Variants in ABCB6 observed in about 807,000 individuals in gnomAD.
ABCB6 encodes ATP-binding cassette sub-family B member 6.
A neutral mutation model predicts 99.4 loss-of-function variants in ABCB6; 87 were observed. The ratio of observed to expected loss-of-function variants is 0.88; its 90% CI spans 0.74 to 1.05. The LOEUF is 1.05. Ranked by LOEUF, ABCB6 falls within the 50% of genes least tolerant of loss-of-function variation. The pLI is 0.00. For missense variants in ABCB6, 1,050 were observed against 1,097.9 expected (o/e 0.96, Z 0.62); for synonymous variants, 482 against 447.5 (o/e 1.08, Z -0.97).
chr2:219,215,899 C>T, intron 5 of ABCB6, 98 bp downstream of exon 5: 2 of 1,304,532 alleles, frequency 1.5e-6, no homozygotes, highest in Non-Finnish European at 2.0e-6. Context: ...GTGGGAGCGG[C>T]AGCTTCTCAG....
chr2:219,216,269 G>A lies in ABCB6; in HGVS notation c.971-89C>T. 6.3e-7 allele frequency: 1 copy of A among 1,580,922 alleles called. No homozygotes were observed. Among genetic ancestry groups the A allele is most frequent in the Non-Finnish European group, 8.6e-7 (1 of 1,157,548 alleles). Reference sequence around the variant, plus strand: ...GGATGTGAAAGGTCTGAGAGTACATGGGGGCTGGGGAGGAATGCTGGGAGA... The same window carrying A: ...GGATGTGAAAGGTCTGAGAGTACATAGGGGCTGGGGAGGAATGCTGGGAGA... On this transcript the variant is annotated intron_variant, in intron 4 of 18. Coordinates refer to ENST00000265316, the MANE Select transcript of ABCB6 (RefSeq NM_005689.4). The surrounding 1 kb of genome is among the most constrained non-coding windows in gnomAD (Gnocchi z 4.2).
Position 219,211,019 on chromosome 2 carries a change from G to GT in ABCB6, c.2057dup (p.Tyr686Ter). 6.2e-7 allele frequency: 1 copy of GT among 1,614,156 alleles called. No individual in the cohort carries two copies. The highest frequency in any genetic ancestry group is 8.5e-7 in the Non-Finnish European group (1 of 1,180,036). The change falls in exon 15 of 19, where the codon TAC becomes TAAC. Residue 686 changes from tyrosine to a stop codon, truncating the protein, a stop_gained and frameshift_variant. Transcript: ENST00000265316. LOFTEE classifies it high-confidence loss of function. ...CATCATTCCCAGCTGTGACACGGCC[G>GT]TAACGGATATTGTCGGCGATGGTGT... is the stretch of plus-strand genomic sequence containing the variant. The part of the protein sequence containing the change: ...FNDTIADNIR[Y>*]GRVTAGNDEV...
At chr2:219,217,006 T>C (rs1295391548) in intron 2 of ABCB6, among the ~76,000 whole-genome samples, 174 bp from the exon 3 acceptor site, 1 of 152,154 alleles carries the variant, frequency 6.6e-6, no homozygotes, top group Non-Finnish European at 1.5e-5. Flanking sequence ...AAAAGAAGCA[T>C]TTCATTTTGG....
rs1490856072 is a variant in ABCB6 at position 219,216,423 on chromosome 2, C to T, written c.911G>A (p.Trp304Ter). Residue 304 changes from tryptophan to a stop codon, truncating the protein, a stop_gained, in exon 4 of 19, where the codon TGG becomes TAG. Transcript: ENST00000265316. LOFTEE classifies it high-confidence loss of function. This position sits in a 1 kb window ranked among gnomAD's most constrained non-coding sequence, Gnocchi z 4.2. ...GAGGAAGACGTAACTGGTAACAGTC[C>T]AGGCCAGAGAGTTCCAAGGTGCCTT... ...TEKAPWNSLA[W>*]TVTSYVFLKF... 1 of 1,613,934 alleles carries T rather than the reference C, an allele frequency of 6.2e-7. No homozygotes were observed. Among genetic ancestry groups the T allele is most frequent in the East Asian group, 2.2e-5 (1 of 44,894 alleles).
intron 9 of ABCB6, 70 bp from the exon 10 acceptor site, chr2:219,213,736 C>T: frequency 2.5e-6 from 4 of 1,613,760 alleles, no homozygotes; most frequent in Middle Eastern, 1.7e-4. Context: ...TCACCCTGCC[C>T]ACTTCCTACC....
At chr2:219,212,977 A>C (rs986239039) in intron 13 of ABCB6, 31 bp downstream of exon 13, 3 of 1,612,558 alleles carry the variant, frequency 1.9e-6, no homozygotes, top group Non-Finnish European at 2.5e-6. Flanking sequence ...AGCTTGAGGC[A>C]TCTGGGCCAA....
Position 219,211,048 on chromosome 2 carries a change from TAA to T in ABCB6, c.2027_2028del (p.Phe676Ter). On this transcript the variant is annotated frameshift_variant, in exon 15 of 19. Transcript: ENST00000265316. LOFTEE classifies it high-confidence loss of function. Reference sequence around the variant, plus strand: ...CGGATATTGTCGGCGATGGTGTCATTAAAGAGGACAGTGTCTTGGGGCACAAC... The same window carrying T: ...CGGATATTGTCGGCGATGGTGTCATTAGAGGACAGTGTCTTGGGGCACAAC... Reference protein sequence around the residue: ...IGVVPQDTVLFNDTIADNIRY... With the variant: ...IGVVPQDTVLXNDTIADNIRY... 4 of 1,614,098 alleles carry T rather than the reference TAA, an allele frequency of 2.5e-6. No individual in the cohort carries two copies. Among genetic ancestry groups the T allele is most frequent in the Non-Finnish European group, 3.4e-6 (4 of 1,180,014 alleles).
rs530847902 is a variant in ABCB6 at position 219,210,868 on chromosome 2, CAG to C, written c.2144-47_2144-46del. The C allele has an allele frequency of 2.1e-4, 345 of 1,613,042 alleles. No individual in the cohort carries two copies. The African/African-American group carries it at 3.1e-3, about 15-fold the overall frequency. ...CACGTTTCTTACGAAACGGAGGGAA[CAG>C]GGGTCAGGGATTAGCAGGACAACAC... On this transcript the variant is annotated intron_variant, in intron 15 of 18. Coordinates refer to ENST00000265316, the MANE Select transcript of ABCB6 (RefSeq NM_005689.4).
chr2:219,211,227 C>G, intron 14 of ABCB6, 119 bp from the exon 15 acceptor site: 1 of 1,042,402 alleles, frequency 9.6e-7, no homozygotes, highest in Non-Finnish European at 1.4e-6. Flanking sequence ...ACCATCACTG[C>G]CCCATATCCT....
intron 14 of ABCB6, among the ~76,000 whole-genome samples, chr2:219,212,098 T>C (rs1157610924): frequency 6.6e-6 from 1 of 152,166 alleles, no homozygotes; most frequent in Non-Finnish European, 1.5e-5. Context: ...TGTTTTGCCA[T>C]GTTGCCCAGG....
At chr2:219,214,906 G>A in intron 6 of ABCB6, 55 bp downstream of exon 6, 1 of 1,609,366 alleles carries the variant, frequency 6.2e-7, no homozygotes, top group Non-Finnish European at 8.5e-7. Context: ...CACAGCTCAT[G>A]GCCAAGGGAG....
chr2:219,210,184 GC>G (rs371161683), intron 18 of ABCB6, 45 bp downstream of exon 18: 5 of 1,611,030 alleles, frequency 3.1e-6, no homozygotes, highest in Non-Finnish European at 3.4e-6. Context: ...CTTTCCTGGA[GC>G]CCCCAATTCA....
rs1950562075 is a variant in ABCB6, at chr2:219,210,440, G to A, written c.2292C>T (p.Ala764=). ...TSALDTSNER[A]IQASLAKVCA... ...AGACTTTGGCCAGAGAAGCCTGGAT[G>A]GCCCTCTCATTAGATGTATCCAGCG... Residue 764 remains alanine, a synonymous_variant, in exon 17 of 19, where the codon GCC becomes GCT. Transcript: ENST00000265316. 1 of 1,614,098 alleles carries A rather than the reference G, an allele frequency of 6.2e-7. No individual in the cohort carries two copies. The highest frequency in any genetic ancestry group is 1.3e-5 in the African/African-American group (1 of 74,938).
chr2:219,214,307 GCTCT>G (rs1159872378), intron 7 of ABCB6, 78 bp downstream of exon 7: 60 of 1,473,892 alleles, frequency 4.1e-5, no homozygotes, highest in South Asian at 2.3e-5. Flanking sequence ...CACACCCCCA[GCTCT>G]CTGTCAGCCC....
At chr2:219,211,849 C>T (rs1010162200) in intron 14 of ABCB6, among the ~76,000 whole-genome samples, 17 of 151,360 alleles carry the variant, frequency 1.1e-4, no homozygotes, top group Non-Finnish European at 1.8e-4. Context: ...CTGCAAGCTC[C>T]GCCTCCTGGG....
chr2:219,211,865 A>C (rs571750074), intron 14 of ABCB6, among the ~76,000 whole-genome samples: 50 of 149,254 alleles, frequency 3.3e-4, no homozygotes, highest in Non-Finnish European at 6.2e-4. Flanking sequence ...CTGGGTTCAC[A>C]CCATTCTCCT....
In ABCB6 at chr2:219,210,835, A is replaced by G. The variant is rs746871018; in HGVS notation, c.2144-12T>C. On this transcript the variant is annotated splice_polypyrimidine_tract_variant and intron_variant, in intron 15 of 18. Transcript: ENST00000265316. ...CTGTGTCCTGTACCCTGTGGATATTACCCACCACACGTTTCTTACGAAACG... is the reference window on the plus strand; with the variant it reads ...CTGTGTCCTGTACCCTGTGGATATTGCCCACCACACGTTTCTTACGAAACG... The G allele has an allele frequency of 6.2e-7, 1 of 1,613,642 alleles. No individual in the cohort carries two copies. The highest frequency in any genetic ancestry group is 8.5e-7 in the Non-Finnish European group (1 of 1,179,846).
chr2:219,218,410 C>T lies in ABCB6; in HGVS notation c.264G>A (p.Leu88=), dbSNP rs897509803. 3 of 1,611,494 alleles carry T rather than the reference C, an allele frequency of 1.9e-6. No individual in the cohort carries two copies. In the Admixed American group the frequency reaches 5.0e-5, roughly 27 times the overall value. Residue 88 remains leucine, a synonymous_variant, in exon 1 of 19, where the codon CTG becomes CTA. Coordinates refer to ENST00000265316, the MANE Select transcript of ABCB6 (RefSeq NM_005689.4). ...LLATLQAALP[L]AGLAGRVGTA... ...TGCCCACCCGGCCAGCCAGGCCGGC[C>T]AGGGGCAGCGCCGCCTGAAGTGTGG...
intron 2 of ABCB6, among the ~76,000 whole-genome samples, chr2:219,217,092 C>G (rs1294784559): frequency 1.3e-5 from 2 of 152,214 alleles, no homozygotes; most frequent in Non-Finnish European, 2.9e-5. Flanking sequence ...GGTGCAGTGG[C>G]TCATGCCTGT....
Sources: gnomAD v4.1 joint callset for allele counts (sites outside exome capture counted in the v4.1 genomes callset) on GRCh38, gnomAD v4.1.1 for gene constraint, Gnocchi (gnomAD v3.1) non-coding constraint, MANE v1.5 for transcripts, NCBI Gene and HGNC (gene_info 2026-07-23, HGNC 2026-07-21) for gene names.